CXADR: variants seen among roughly 807,000 people sequenced by gnomAD.
The protein encoded by CXADR is coxsackievirus and adenovirus receptor.
In CXADR, 20 loss-of-function variants were observed where a neutral mutation model predicts 40.3. That is an observed-to-expected ratio of 0.50 (90% CI 0.35 to 0.72). The LOEUF (loss-of-function observed/expected upper bound fraction) is 0.72, where lower values mean the gene tolerates loss of function less well. Among genes scored for constraint, CXADR ranks in the 30% least tolerant of loss-of-function variants. The probability of loss-of-function intolerance (pLI) is 0.01; values close to 1 mark genes in which losing one functional copy is unlikely to be tolerated. For missense variants in CXADR, 332 were observed against 449.1 expected (o/e 0.74, Z 2.36); for synonymous variants, 150 against 161.3 (o/e 0.93, Z 0.53).
chr21:17,562,711 A>G (rs910868333), intron 6 of CXADR, among the ~76,000 whole-genome samples: 2 of 152,224 alleles, frequency 1.3e-5, no homozygotes, highest in Non-Finnish European at 1.5e-5. Context: ...ACCTTCATCA[A>G]CGATCTTTTA....
intron 1 of CXADR, among the ~76,000 whole-genome samples, chr21:17,532,204 A>G (rs989632168): frequency 3.9e-5 from 6 of 152,048 alleles, no homozygotes; most frequent in African/African-American, 9.7e-5. Flanking sequence ...AAGTGTTGCT[A>G]TTACAGGTGT....
intron 3 of CXADR, among the ~76,000 whole-genome samples, chr21:17,556,604 A>G (rs1468594910): frequency 6.6e-6 from 1 of 152,186 alleles, no homozygotes; most frequent in Non-Finnish European, 1.5e-5. Flanking sequence ...TAGTTTGAAG[A>G]ACTGGAAGAG....
intron 1 of CXADR, among the ~76,000 whole-genome samples, chr21:17,541,687 T>C (rs961543384): frequency 6.6e-6 from 1 of 151,644 alleles, no homozygotes; most frequent in African/African-American, 2.4e-5. Context: ...AATCATACAG[T>C]GGCTTTTTTC....
chr21:17,551,722 T>A, intron 2 of CXADR, 27 bp from the exon 3 acceptor site: 1 of 1,576,132 alleles, frequency 6.3e-7, no homozygotes, highest in East Asian at 2.3e-5. Flanking sequence ...TTGTTTTTCC[T>A]CCTGTCTAAT....
At chr21:17,589,577 A>T (rs1033753935) in intron 7 of CXADR, among the ~76,000 whole-genome samples, 2 of 101,684 alleles carry the variant, frequency 2.0e-5, no homozygotes, top group African/African-American at 1.5e-4. Flanking sequence ...CATTCTAGGC[A>T]TACCATTTTT....
chr21:17,530,896 T>G (rs1185616731), intron 1 of CXADR, among the ~76,000 whole-genome samples: 1 of 152,244 alleles, frequency 6.6e-6, no homozygotes, highest in African/African-American at 2.4e-5. Flanking sequence ...TCCCTATCAA[T>G]GGAATTTCTG....
At chr21:17,631,184 A>AT in the CXADR span, among the ~76,000 whole-genome samples, 13 of 152,144 alleles carry the variant, frequency 8.5e-5, no homozygotes, top group African/African-American at 2.9e-4. Context: ...AGAACTTACC[A>AT]TTTTTTTCTT....
chr21:17,532,015 C>T (rs1265223790), intron 1 of CXADR, among the ~76,000 whole-genome samples: 1 of 150,940 alleles, frequency 6.6e-6, no homozygotes, highest in African/African-American at 2.4e-5. Context: ...AGTCACAACT[C>T]ACTGCAGCCT....
At chr21:17,521,317 T>G (rs1180327532) in intron 1 of CXADR, among the ~76,000 whole-genome samples, 4 of 151,834 alleles carry the variant, frequency 2.6e-5, no homozygotes, top group Non-Finnish European at 5.9e-5. Flanking sequence ...TGAAGCCAGA[T>G]TTTATTATTA....
At chr21:17,544,555 TTCGAGGG>T (rs995054979) in intron 1 of CXADR, among the ~76,000 whole-genome samples, 7 of 151,998 alleles carry the variant, frequency 4.6e-5, no homozygotes, top group African/African-American at 1.7e-4. Flanking sequence ...GGGCTGAGTG[TTCGAGGG>T]TTGGCCAGAC....
the CXADR span, chr21:17,613,120 C>T: frequency 6.6e-6 from 1 of 152,138 alleles, no homozygotes; most frequent in African/African-American, 2.4e-5. Context: ...GACCCTCGAC[C>T]GCGACGGCGC....
downstream of CXADR, among the ~76,000 whole-genome samples, chr21:17,574,339 T>C (rs1232438053): frequency 1.3e-5 from 2 of 152,104 alleles, no homozygotes; most frequent in Non-Finnish European, 2.9e-5. Context: ...GCTCTATACA[T>C]AGTCCAGTAC....
chr21:17,625,158 C>T, the CXADR span, among the ~76,000 whole-genome samples: 1 of 151,978 alleles, frequency 6.6e-6, no homozygotes, highest in African/African-American at 2.4e-5. Context: ...CCCCAGAGGC[C>T]CCACTGCATT....
downstream of CXADR, among the ~76,000 whole-genome samples, chr21:17,571,214 A>G (rs976734073): frequency 3.7e-4 from 56 of 152,224 alleles, no homozygotes; most frequent in African/African-American, 1.1e-3. Flanking sequence ...ACTTATTACT[A>G]GTTGCTTCAC....
At chr21:17,572,798 G>C (rs1160244825), downstream of CXADR, among the ~76,000 whole-genome samples, 3 of 151,894 alleles carry the variant, frequency 2.0e-5, no homozygotes, top group Non-Finnish European at 4.4e-5. Context: ...TTTAATTTTG[G>C]TATACTAATA....
chr21:17,571,130 C>T (rs950354590), downstream of CXADR, among the ~76,000 whole-genome samples: 2 of 152,150 alleles, frequency 1.3e-5, no homozygotes, highest in African/African-American at 4.8e-5. Context: ...CGGATTTATA[C>T]TGATGTGAAA....
intron 6 of CXADR, among the ~76,000 whole-genome samples, chr21:17,561,809 C>T (rs1274476938): frequency 1.3e-5 from 2 of 152,102 alleles, no homozygotes; most frequent in Non-Finnish European, 2.9e-5. Context: ...AAAAACTGAC[C>T]TGATTGTATC....
downstream of CXADR, among the ~76,000 whole-genome samples, chr21:17,572,074 A>G (rs1465047814): frequency 6.6e-6 from 1 of 152,142 alleles, no homozygotes; most frequent in Admixed American, 6.5e-5. Flanking sequence ...TCAAAAAGGC[A>G]GTATTGGCCA....
At chr21:17,584,570 G>A (rs866897438) in intron 7 of CXADR, among the ~76,000 whole-genome samples, 4 of 152,218 alleles carry the variant, frequency 2.6e-5, no homozygotes, top group African/African-American at 7.2e-5. Context: ...GATGGCTCAC[G>A]TCTGTAGTCC....
Sources: gnomAD v4.1 joint callset for allele counts (sites outside exome capture counted in the v4.1 genomes callset) on GRCh38, gnomAD v4.1.1 for gene constraint, MANE v1.5 for transcripts, NCBI Gene and HGNC (gene_info 2026-07-23, HGNC 2026-07-21) for gene names.